The following TENM3 variants were observed in gnomAD, a reference collection of about 807,000 sequenced individuals.
The protein encoded by TENM3 is teneurin-3.
TENM3 carries 63 observed loss-of-function variants against 255.1 expected under a neutral mutation model. The ratio of observed to expected loss-of-function variants is 0.25; its 90% CI spans 0.20 to 0.30. TENM3 has a LOEUF of 0.30. Among genes scored for constraint, TENM3 ranks in the 10% least tolerant of loss-of-function variants. The pLI, the probability that TENM3 is intolerant of heterozygous loss-of-function variation, is 1.00. For synonymous variants in TENM3, 1,306 were observed against 1,322.3 expected, an observed-to-expected ratio of 0.99 and a Z score of 0.27; for missense variants, 2,929 against 3,461.1, an observed-to-expected ratio of 0.85 and a Z score of 3.86.
intron 3 of TENM3, among the ~76,000 whole-genome samples, chr4:182,441,306 G>A (rs923271270): frequency 6.6e-6 from 1 of 152,124 alleles, no homozygotes; most frequent in Non-Finnish European, 1.5e-5. Flanking sequence ...TGTTAGCTTA[G>A]GAGTATGTGA....
At chr4:182,563,972 G>A (rs918770159) in intron 3 of TENM3, among the ~76,000 whole-genome samples, 4 of 152,082 alleles carry the variant, frequency 2.6e-5, no homozygotes, top group Middle Eastern at 3.4e-3. Context: ...CAGATCCTTC[G>A]CTCCTGCCAA....
the TENM3 span, among the ~76,000 whole-genome samples, chr4:181,558,684 T>C: frequency 6.6e-6 from 1 of 152,210 alleles, no homozygotes; most frequent in Non-Finnish European, 1.5e-5. Flanking sequence ...GTCCATGTTC[T>C]GTAATAACAG....
chr4:181,634,685 C>T, the TENM3 span, among the ~76,000 whole-genome samples: 11 of 152,162 alleles, frequency 7.2e-5, no homozygotes, highest in Non-Finnish European at 1.0e-4. Flanking sequence ...ATGGATGATC[C>T]ATAATTTACA....
At chr4:182,359,960 G>A (rs1268825766) in intron 3 of TENM3, among the ~76,000 whole-genome samples, 5 of 151,770 alleles carry the variant, frequency 3.3e-5, no homozygotes, top group African/African-American at 1.2e-4. Flanking sequence ...CTTTATTTCT[G>A]CCTTCATTTC....
the TENM3 span, among the ~76,000 whole-genome samples, chr4:181,733,142 T>G: frequency 6.6e-6 from 1 of 152,178 alleles, no homozygotes; most frequent in Admixed American, 6.5e-5. Context: ...ATATAAGCAA[T>G]TTATTCAAGT....
the TENM3 span, among the ~76,000 whole-genome samples, chr4:181,533,772 A>C: frequency 1.3e-5 from 2 of 151,694 alleles, no homozygotes; most frequent in Non-Finnish European, 2.9e-5. Context: ...TTTCTGACGT[A>C]GACCTTCTTT....
chr4:181,814,322 C>CA, the TENM3 span, among the ~76,000 whole-genome samples: 1 of 151,920 alleles, frequency 6.6e-6, no homozygotes, highest in Non-Finnish European at 1.5e-5. Flanking sequence ...AGTTTACAAA[C>CA]AAAAAATAGT....
In TENM3 at chr4:182,754,887, C is replaced by T; in HGVS notation, c.4520C>T (p.Ser1507Phe). 1.2e-6 allele frequency: 2 copies of T among 1,614,034 alleles called. No homozygotes were observed. Among genetic ancestry groups the T allele is most frequent in the Non-Finnish European group, 1.7e-6 (2 of 1,179,904 alleles). The change falls in exon 22 of 28, where the codon TCT becomes TTT. Residue 1507 changes from serine to phenylalanine, a missense_variant. By Grantham distance (155) the Ser-to-Phe change is radical. Coordinates refer to ENST00000511685, the MANE Select transcript of TENM3 (RefSeq NM_001080477.4). This position sits in a 1 kb window ranked among gnomAD's most constrained non-coding sequence, Gnocchi z 5.1. ...AVSKNKPLLN[S>F]MNFYEVASPT... ...TCAAAGAATAAGCCTTTACTTAACT[C>T]TATGAACTTCTATGAAGTTGCGTCT... is the stretch of plus-strand genomic sequence containing the variant.
chr4:181,649,723 G>A, the TENM3 span, among the ~76,000 whole-genome samples: 8 of 152,046 alleles, frequency 5.3e-5, no homozygotes, highest in Non-Finnish European at 1.0e-4. Context: ...AATGTATTTC[G>A]GTACCACTTG....
the TENM3 span, among the ~76,000 whole-genome samples, chr4:182,096,072 G>A: frequency 9.5e-4 from 144 of 151,032 alleles, no homozygotes; most frequent in Admixed American, 7.3e-3. Flanking sequence ...CAAGACGACA[G>A]TGAGCCAAAA....
chr4:182,070,348 G>T, the TENM3 span, among the ~76,000 whole-genome samples: 5 of 152,248 alleles, frequency 3.3e-5, no homozygotes, highest in Admixed American at 3.3e-4. Context: ...GCTGGGTGCA[G>T]TGGCTCACAC....
the TENM3 span, among the ~76,000 whole-genome samples, chr4:181,859,291 T>A: frequency 4.9e-3 from 722 of 147,552 alleles, 6 homozygotes; most frequent in African/African-American, 0.017. Context: ...TTATGCCATA[T>A]GAACTATCTG....
chr4:182,711,502 C>A (rs1279776832), intron 12 of TENM3: 5 of 626,032 alleles, frequency 8.0e-6, no homozygotes, highest in Admixed American at 1.3e-4. Context: ...CATGTAGATT[C>A]TGAAAATTTT....
chr4:181,747,815 T>A, the TENM3 span, among the ~76,000 whole-genome samples: 1 of 152,042 alleles, frequency 6.6e-6, no homozygotes, highest in Non-Finnish European at 1.5e-5. Flanking sequence ...CCATTTGAAA[T>A]TTATTTTGAG....
chr4:181,793,782 T>C, the TENM3 span, among the ~76,000 whole-genome samples: 1 of 152,336 alleles, frequency 6.6e-6, no homozygotes, highest in South Asian at 2.1e-4. Context: ...CTTGCATGAG[T>C]GTCTGAATCA....
At chr4:182,093,156 G>A in the TENM3 span, among the ~76,000 whole-genome samples, 4 of 152,002 alleles carry the variant, frequency 2.6e-5, no homozygotes, top group Non-Finnish European at 4.4e-5. Flanking sequence ...CAAAGATATC[G>A]GTGTCTTTAA....
intron 3 of TENM3, among the ~76,000 whole-genome samples, chr4:182,579,946 C>T (rs1027305867): frequency 6.6e-6 from 1 of 152,114 alleles, no homozygotes; most frequent in Non-Finnish European, 1.5e-5. Flanking sequence ...TGTGAGAAGG[C>T]AGAGGAGCAG....
intron 1 of TENM3, among the ~76,000 whole-genome samples, chr4:182,252,508 T>G (rs1758085067): frequency 6.6e-6 from 1 of 152,182 alleles, no homozygotes; most frequent in Admixed American, 6.5e-5. Flanking sequence ...ACTACTGACT[T>G]ACAATTTATT....
At chr4:181,874,397 A>AT in the TENM3 span, 3 of 152,124 alleles carry the variant, frequency 2.0e-5, no homozygotes, top group Non-Finnish European at 2.9e-5. Flanking sequence ...TGCTTCACAT[A>AT]TTTTTGAATC....
Sources: gnomAD v4.1 joint callset for allele counts (sites outside exome capture counted in the v4.1 genomes callset) on GRCh38, gnomAD v4.1.1 for gene constraint, Gnocchi (gnomAD v3.1) non-coding constraint, MANE v1.5 for transcripts, NCBI Gene and HGNC (gene_info 2026-07-23, HGNC 2026-07-21) for gene names.